MAGI1: variants seen among roughly 807,000 people sequenced by gnomAD.
MAGI1 encodes the protein membrane-associated guanylate kinase, WW and PDZ domain-containing protein 1.
Under a neutral mutation model 139.9 loss-of-function variants are expected in MAGI1, and 58 were observed. That is an observed-to-expected ratio of 0.41 (90% CI 0.34 to 0.52). MAGI1 has a LOEUF of 0.52. Among genes scored for constraint, MAGI1 ranks in the 20% least tolerant of loss-of-function variants. The probability of loss-of-function intolerance (pLI) is 0.12; values close to 1 mark genes in which losing one functional copy is unlikely to be tolerated. For synonymous variants in MAGI1, 812 were observed against 737.9 expected (o/e 1.10, Z -1.63); for missense variants, 1,874 against 1,901.6 (o/e 0.99, Z 0.27).
At chr3:66,016,374 C>T (rs2067637900) in intron 1 of MAGI1, among the ~76,000 whole-genome samples, 1 of 152,134 alleles carries the variant, frequency 6.6e-6, no homozygotes, top group African/African-American at 2.4e-5. Context: ...GATTTGAACC[C>T]GGACTACATG....
intron 1 of MAGI1, chr3:65,914,076 T>G (rs2061787237): frequency 6.6e-6 from 1 of 152,232 alleles, no homozygotes; most frequent in South Asian, 2.1e-4. Flanking sequence ...TTGGCTTTCA[T>G]GTTTTCTCCA....
At position 66,038,314 on chromosome 3, in the gene MAGI1, G is replaced by C. The variant is rs1265153334; in HGVS notation, c.-6C>G. On this transcript the variant is annotated 5_prime_UTR_variant, in exon 1 of 23. Coordinates refer to ENST00000402939, the MANE Select transcript of MAGI1 (RefSeq NM_001033057.2). ...TTCTGGATCACTTTGGACATGATGA[G>C]TTACACCCCTCCTCCAAAAAAATAA... 6.5e-7 allele frequency: 1 copy of C among 1,544,528 alleles called. No homozygotes were observed. Among genetic ancestry groups the C allele is most frequent in the Admixed American group, 2.0e-5 (1 of 50,572 alleles).
intron 2 of MAGI1, among the ~76,000 whole-genome samples, chr3:65,565,856 CAAAAAAA>C (rs766254957): frequency 4.3e-4 from 40 of 93,944 alleles, no homozygotes; most frequent in Admixed American, 2.2e-3. Flanking sequence ...GACTCCGTGT[CAAAAAAA>C]AAAAAAAAAA....
intron 1 of MAGI1, among the ~76,000 whole-genome samples, chr3:65,670,024 G>A (rs1365514547): frequency 1.3e-5 from 2 of 152,068 alleles, no homozygotes; most frequent in Non-Finnish European, 1.5e-5. Context: ...CTGAGCCATT[G>A]CCCCCATAAA....
chr3:65,622,022 T>C lies in MAGI1; in HGVS notation c.380A>G (p.His127Arg), dbSNP rs1221492051. Reference sequence around the variant, plus strand: ...ATCCCTTATGGTCTGCTGGAGCTCATGATCAGGAGACCCCTTCTGGAATCG... The same window carrying C: ...ATCCCTTATGGTCTGCTGGAGCTCACGATCAGGAGACCCCTTCTGGAATCG... ...NQRFQKGSPDHELQQTIRDNL... is the reference protein window; with the variant it reads ...NQRFQKGSPDRELQQTIRDNL... Residue 127 changes from histidine (H) to arginine (R), a missense_variant, in exon 2 of 23, where the codon CAT (histidine) becomes CGT (arginine). His to Arg is a conservative substitution (Grantham distance 29, BLOSUM62 0). Around this residue, in one of 5 missense-constraint regions of MAGI1, gnomAD observed 648 missense variants for 598.1 expected, o/e 1.08. Coordinates refer to ENST00000402939, the MANE Select transcript of MAGI1 (RefSeq NM_001033057.2). 2.5e-6 allele frequency: 4 copies of C among 1,614,028 alleles called. No individual in the cohort carries two copies. The highest frequency in any genetic ancestry group is 1.3e-5 in the African/African-American group (1 of 75,018).
chr3:66,014,615 A>G (rs4688632), intron 1 of MAGI1, among the ~76,000 whole-genome samples: 70,314 of 152,032 alleles, frequency 0.46, 17,440 homozygotes, highest in East Asian at 0.74. Flanking sequence ...AGTATTTCCA[A>G]AGAATAGGTT....
intron 12 of MAGI1, 145 bp downstream of exon 12, chr3:65,429,375 G>A (rs531317745): frequency 1.3e-6 from 1 of 796,776 alleles, no homozygotes; most frequent in Non-Finnish European, 2.0e-6. Flanking sequence ...TTATGCTAAA[G>A]AGGTTAGTAT....
At chr3:65,485,428 C>A (rs929395624) in intron 3 of MAGI1, among the ~76,000 whole-genome samples, 1 of 152,014 alleles carries the variant, frequency 6.6e-6, no homozygotes, top group Non-Finnish European at 1.5e-5. Flanking sequence ...GGTAAGGGAC[C>A]TCTCTCTCTT....
intron 1 of MAGI1, among the ~76,000 whole-genome samples, chr3:65,858,651 A>G (rs1472653250): frequency 6.6e-6 from 1 of 152,090 alleles, no homozygotes; most frequent in South Asian, 2.1e-4. Flanking sequence ...AGAGGAAAGG[A>G]GGAGGAAGAT....
intron 1 of MAGI1, chr3:65,718,763 C>G (rs1357272169): frequency 6.6e-6 from 1 of 152,096 alleles, no homozygotes; most frequent in East Asian, 1.9e-4. Context: ...TCATATGAAT[C>G]TCCCAGAAAC....
chr3:65,439,363 G>T (rs1047341661), intron 9 of MAGI1, among the ~76,000 whole-genome samples: 1 of 152,068 alleles, frequency 6.6e-6, no homozygotes, highest in Non-Finnish European at 1.5e-5. Context: ...GAATGGGAAG[G>T]GGGCAACCAG....
intron 1 of MAGI1, among the ~76,000 whole-genome samples, chr3:65,710,505 G>C (rs1020213713): frequency 6.6e-6 from 1 of 151,872 alleles, no homozygotes; most frequent in Non-Finnish European, 1.5e-5. Context: ...TCGAACTCCT[G>C]ACCTCAGGTG....
At chr3:65,688,586 A>T in intron 1 of MAGI1, 1 of 310,020 alleles carries the variant, frequency 3.2e-6, no homozygotes, top group South Asian at 3.9e-5. Flanking sequence ...TAGGGAAGAT[A>T]GCAGGAAGGG....
intron 1 of MAGI1, among the ~76,000 whole-genome samples, chr3:65,823,166 A>C (rs1171507206): frequency 6.6e-6 from 1 of 152,208 alleles, no homozygotes; most frequent in Admixed American, 6.5e-5. Context: ...AATATATATC[A>C]TATAAAGTGA....
At position 65,699,515 on chromosome 3, in the gene MAGI1, G is replaced by A. The variant is rs2089451092; in HGVS notation, c.314-77427C>T. Among the ~76,000 whole-genome samples, 3 of 139,676 alleles carry A rather than the reference G, an allele frequency of 2.1e-5. No homozygotes were observed. The South Asian group carries it at 7.0e-4, about 33-fold the overall frequency. 91.6% of individuals were successfully genotyped at this position (139,676 alleles called of 152,430 possible). A position where few individuals can be genotyped will look rare whatever the true frequency, so the allele number is the denominator to read the frequency against. ...ATGATAGACTGGATTAAGAAAATGT[G>A]GCACATATACACCATGGAATACTAT... On this transcript the variant is annotated intron_variant, in intron 1 of 22. Coordinates refer to ENST00000402939, the MANE Select transcript of MAGI1 (RefSeq NM_001033057.2).
intron 4 of MAGI1, among the ~76,000 whole-genome samples, chr3:65,475,584 G>A (rs1950847749): frequency 6.6e-6 from 1 of 152,060 alleles, no homozygotes; most frequent in Non-Finnish European, 1.5e-5. Flanking sequence ...CTGTGCTTTG[G>A]CCAACAGTCT....
chr3:65,897,447 A>T (rs1030663961), intron 1 of MAGI1, among the ~76,000 whole-genome samples: 5 of 151,816 alleles, frequency 3.3e-5, no homozygotes, highest in South Asian at 2.1e-4. Context: ...GGTGGGGAAC[A>T]TCACACCCTG....
At chr3:65,390,046 G>A (rs950089728) in intron 14 of MAGI1, among the ~76,000 whole-genome samples, 3 of 152,114 alleles carry the variant, frequency 2.0e-5, no homozygotes, top group African/African-American at 4.8e-5. Context: ...CAGAGGAGTC[G>A]ACTTTCAGCA....
intron 1 of MAGI1, chr3:65,874,768 G>C (rs1265768350): frequency 6.6e-6 from 1 of 152,256 alleles, no homozygotes; most frequent in East Asian, 1.9e-4. Flanking sequence ...GTACCCAAGA[G>C]AAATGAAAAC....
Sources: gnomAD v4.1 joint callset for allele counts (sites outside exome capture counted in the v4.1 genomes callset) on GRCh38, gnomAD v4.1.1 for gene constraint, gnomAD v4.1.1 regional missense constraint, MANE v1.5 for transcripts, NCBI Gene and HGNC (gene_info 2026-07-23, HGNC 2026-07-21) for gene names.